TMEM132D: variants seen among roughly 807,000 people sequenced by gnomAD.
The protein encoded by TMEM132D is transmembrane protein 132D, also known as mature OL transmembrane protein.
Under a neutral mutation model 62.3 loss-of-function variants are expected in TMEM132D, and 21 were observed. The observed-to-expected ratio is 0.34, with a 90% confidence interval of 0.24 to 0.49. The LOEUF is 0.49. TMEM132D is among the 20% of genes least tolerant of loss of function. The pLI is 0.99. For synonymous variants in TMEM132D, 621 were observed against 575.6 expected (o/e 1.08, Z -1.13); for missense variants, 1,346 against 1,402.8 (o/e 0.96, Z 0.65).
chr12:129,247,390 C>A (rs11060213), intron 4 of TMEM132D, among the ~76,000 whole-genome samples: 47,742 of 151,914 alleles, frequency 0.31, 7,617 homozygotes, highest in African/African-American at 0.36. Context: ...CCCTCTCTGG[C>A]TTTAGGGATT....
intron 1 of TMEM132D, among the ~76,000 whole-genome samples, chr12:129,739,485 CTCTA>C (rs1340349992): frequency 1.3e-5 from 2 of 152,172 alleles, no homozygotes; most frequent in African/African-American, 4.8e-5. Flanking sequence ...TTCTGTCTCT[CTCTA>C]ACAAAACAGA....
At position 129,878,957 on chromosome 12, in the gene TMEM132D, C is replaced by A. The variant is rs1362005808; in HGVS notation, c.79+24304G>T. 2.0e-5 allele frequency among the ~76,000 whole-genome samples: 3 copies of A among 152,156 alleles called. No individual in the cohort carries two copies. In the East Asian group the frequency reaches 5.8e-4, roughly 29 times the overall value. On this transcript the variant is annotated intron_variant, in intron 1 of 8. Transcript: ENST00000422113. ...ACCATCTCCTCCCTCTGCCCTCCAG[C>A]CTAGAGAGGGCAGCAGCTCCCTGTT...
At chr12:129,841,071 A>AT (rs1593182782) in intron 1 of TMEM132D, among the ~76,000 whole-genome samples, 1 of 152,262 alleles carries the variant, frequency 6.6e-6, no homozygotes, top group East Asian at 1.9e-4. Context: ...AAAGAATCAA[A>AT]TTTTGGCACT....
intron 2 of TMEM132D, among the ~76,000 whole-genome samples, chr12:129,567,369 A>G (rs192274818): frequency 1.3e-5 from 2 of 152,362 alleles, no homozygotes; most frequent in Admixed American, 6.5e-5. Context: ...CCAGAAGTTC[A>G]TTGATAGGAT....
intron 1 of TMEM132D, among the ~76,000 whole-genome samples, chr12:129,898,171 C>T (rs575913981): frequency 8.5e-5 from 13 of 152,240 alleles, no homozygotes; most frequent in African/African-American, 2.4e-4. Flanking sequence ...GTATTTCCTG[C>T]GGCGCTCTGA....
At chr12:129,882,343 T>C (rs1179410206) in intron 1 of TMEM132D, among the ~76,000 whole-genome samples, 1 of 152,262 alleles carries the variant, frequency 6.6e-6, no homozygotes, top group South Asian at 2.1e-4. Context: ...ATTTCTTTCA[T>C]GAATTTAGAC....
At chr12:129,582,622 T>TC (rs1877903757) in intron 2 of TMEM132D, among the ~76,000 whole-genome samples, 1 of 39,092 alleles carries the variant, frequency 2.6e-5, no homozygotes, top group South Asian at 8.2e-4. Context: ...TTTCTTTCTT[T>TC]CTTTTTTTTT....
At position 129,530,551 on chromosome 12, in the gene TMEM132D, C is replaced by A. The variant is rs886428565; in HGVS notation, c.1115+508G>T. 8.5e-5 allele frequency among the ~76,000 whole-genome samples: 13 copies of A among 152,322 alleles called. 1 individual carries two copies. The highest frequency in any genetic ancestry group is 3.1e-4 in the African/African-American group (13 of 41,574). The stretch of plus-strand genomic sequence containing the variant: ...TTTAATTTCTCCCTAGAGTGATCCA[C>A]AATTCCCTGCAATTCTACTGCAGAT... On this transcript the variant is annotated intron_variant, in intron 3 of 8. Transcript: ENST00000422113.
At chr12:129,303,697 A>G (rs1194432883) in intron 4 of TMEM132D, among the ~76,000 whole-genome samples, 1 of 152,096 alleles carries the variant, frequency 6.6e-6, no homozygotes, top group East Asian at 1.9e-4. Flanking sequence ...GTACGAGAAG[A>G]TTTGTTATGG....
At chr12:129,324,879 A>T (rs1401881816) in intron 4 of TMEM132D, among the ~76,000 whole-genome samples, 4 of 152,212 alleles carry the variant, frequency 2.6e-5, no homozygotes, top group Non-Finnish European at 4.4e-5. Flanking sequence ...GCATGTGAAT[A>T]TCCCCAAACA....
intron 1 of TMEM132D, among the ~76,000 whole-genome samples, chr12:129,834,919 T>C (rs1323113118): frequency 6.6e-6 from 1 of 152,146 alleles, no homozygotes; most frequent in East Asian, 1.9e-4. Context: ...AAATGGATAC[T>C]ATGGAGAATT....
intron 5 of TMEM132D, among the ~76,000 whole-genome samples, chr12:129,094,870 A>G (rs973404378): frequency 3.9e-5 from 6 of 152,194 alleles, no homozygotes; most frequent in African/African-American, 1.4e-4. Flanking sequence ...GGATGAGTTC[A>G]TGTCCTTCGT....
chr12:129,295,365 A>G (rs969009848), intron 4 of TMEM132D, among the ~76,000 whole-genome samples: 1 of 151,770 alleles, frequency 6.6e-6, no homozygotes, highest in African/African-American at 2.4e-5. Context: ...ACTCCAGGGA[A>G]CACTGCCAGC....
At chr12:129,746,081 T>A (rs1869766938) in intron 1 of TMEM132D, among the ~76,000 whole-genome samples, 1 of 152,204 alleles carries the variant, frequency 6.6e-6, no homozygotes, top group South Asian at 2.1e-4. Context: ...GAATGAATGA[T>A]CAAAAGCCAA....
At chr12:129,859,874 C>T (rs1180728021) in intron 1 of TMEM132D, among the ~76,000 whole-genome samples, 2 of 152,214 alleles carry the variant, frequency 1.3e-5, no homozygotes, top group African/African-American at 4.8e-5. Flanking sequence ...CGAGCCACTA[C>T]TGGCTTCCTT....
chr12:129,847,261 C>T (rs985412600), intron 1 of TMEM132D, among the ~76,000 whole-genome samples: 3 of 152,166 alleles, frequency 2.0e-5, no homozygotes, highest in Admixed American at 1.3e-4. Flanking sequence ...ATTTTTGTCT[C>T]TCTAGGTCAA....
At chr12:129,491,505 T>C (rs1200512213) in intron 3 of TMEM132D, among the ~76,000 whole-genome samples, 2 of 152,144 alleles carry the variant, frequency 1.3e-5, no homozygotes, top group African/African-American at 2.4e-5. Flanking sequence ...GCCAACCAGC[T>C]TCCCCCGGTC....
chr12:129,259,447 T>A (rs868243373), intron 4 of TMEM132D, among the ~76,000 whole-genome samples: 2 of 151,866 alleles, frequency 1.3e-5, no homozygotes, highest in Non-Finnish European at 2.9e-5. Context: ...GGAAAAAAAA[T>A]GATCAAGGTT....
At chr12:129,375,053 G>C (rs1870744303) in intron 3 of TMEM132D, among the ~76,000 whole-genome samples, 1 of 152,244 alleles carries the variant, frequency 6.6e-6, no homozygotes, top group African/African-American at 2.4e-5. Flanking sequence ...TGGCAGACCA[G>C]AGGAATTTTC....
Sources: gnomAD v4.1 joint callset for allele counts (sites outside exome capture counted in the v4.1 genomes callset) on GRCh38, gnomAD v4.1.1 for gene constraint, MANE v1.5 for transcripts, NCBI Gene and HGNC (gene_info 2026-07-23, HGNC 2026-07-21) for gene names.